The following WNK1 variants were observed in gnomAD, a reference collection of about 807,000 sequenced individuals.
The protein encoded by WNK1 is serine/threonine-protein kinase WNK1.
WNK1 carries 38 observed loss-of-function variants against 222.8 expected under a neutral mutation model. The observed-to-expected ratio is 0.17, with a 90% confidence interval of 0.13 to 0.22. WNK1 has a LOEUF of 0.22. WNK1 is among the 10% of genes least tolerant of loss of function. The pLI, the probability that WNK1 is intolerant of heterozygous loss-of-function variation, is 1.00. For synonymous variants in WNK1, 1,090 were observed against 1,092.9 expected (o/e 1.00, Z 0.05); for missense variants, 2,348 against 2,918.4 (o/e 0.80, Z 4.50).
At chr12:890,845 G>A (rs1393364217) in intron 22 of WNK1, among the ~76,000 whole-genome samples, 1 of 152,136 alleles carries the variant, frequency 6.6e-6, no homozygotes, top group Non-Finnish European at 1.5e-5. Flanking sequence ...GATATATAGG[G>A]ATAGAAGCTT....
intron 8 of WNK1, chr12:865,076 G>C: frequency 6.8e-7 from 1 of 1,481,296 alleles, no homozygotes; most frequent in Non-Finnish European, 9.0e-7. Context: ...TCACAGTACT[G>C]TGTTTTTCAT....
At chr12:896,938 A>G (rs927237987) in intron 24 of WNK1, among the ~76,000 whole-genome samples, 6 of 106,486 alleles carry the variant, frequency 5.6e-5, no homozygotes, top group African/African-American at 1.9e-4. Flanking sequence ...ACACACACAC[A>G]CGATTCCCAA....
intron 23 of WNK1, 126 bp from the exon 24 acceptor site, chr12:895,933 GAGGCGCTATGTA>G: frequency 1.8e-6 from 2 of 1,115,792 alleles, no homozygotes; most frequent in Non-Finnish European, 2.6e-6. Context: ...GTCAAAAGTG[GAGGCGCTATGTA>G]AAGAGACAAT....
intron 4 of WNK1, among the ~76,000 whole-genome samples, chr12:836,750 C>T (rs183188667): frequency 1.3e-5 from 2 of 152,278 alleles, no homozygotes; most frequent in Admixed American, 1.3e-4. Flanking sequence ...TTCAGTAGTC[C>T]TTAAAGTCTG....
rs1248718618 is a variant in WNK1, at chr12:774,975, A to AT, written c.759+20652dup. Among the ~76,000 whole-genome samples, 4 of 152,302 alleles carry AT rather than the reference A, an allele frequency of 2.6e-5. No individual in the cohort carries two copies. In the East Asian group the frequency reaches 5.8e-4, roughly 22 times the overall value. On this transcript the variant is annotated intron_variant, in intron 1 of 27. Coordinates refer to ENST00000315939, the MANE Select transcript of WNK1 (RefSeq NM_018979.4). ...TAATGTCAATAGTATATCACTGTTT[A>AT]TACCATCAAATTGGTTAGTCATCTT...
chr12:868,720 C>CT (rs1233843943), intron 8 of WNK1: 16 of 1,613,946 alleles, frequency 9.9e-6, no homozygotes, highest in Non-Finnish European at 1.4e-5. Flanking sequence ...TTGCAGTGGA[C>CT]TTGAATCAAG....
chr12:906,591 G>A (rs528999828), intron 26 of WNK1: 1 of 985,322 alleles, frequency 1.0e-6, no homozygotes, highest in Non-Finnish European at 1.2e-6. Context: ...ACACCATACA[G>A]TCCTTTCCTC....
At chr12:906,697 A>C in intron 26 of WNK1, 1 of 985,076 alleles carries the variant, frequency 1.0e-6, no homozygotes, top group Non-Finnish European at 1.2e-6. Context: ...CCAGGTGAAA[A>C]ACTTTTCTGA....
intron 4 of WNK1, among the ~76,000 whole-genome samples, chr12:850,032 G>A (rs1265527228): frequency 6.6e-6 from 1 of 152,196 alleles, no homozygotes; most frequent in African/African-American, 2.4e-5. Context: ...AAACATACAT[G>A]TGCATGTGTC....
intron 1 of WNK1, among the ~76,000 whole-genome samples, chr12:804,912 A>ATTTTTATATTT (rs374820355): frequency 0.74 from 108,635 of 146,906 alleles, 40,331 homozygotes; most frequent in East Asian, 0.87. Context: ...TTTATATTTT[A>ATTTTTATATTT]TATATATAAT....
chr12:901,600 T>G (rs1285535133), intron 26 of WNK1: 1 of 1,289,138 alleles, frequency 7.8e-7, no homozygotes, highest in Non-Finnish European at 1.0e-6. Flanking sequence ...CAGGTGACAT[T>G]CAAACCTGGT....
chr12:839,502 A>AT (rs983094741), intron 4 of WNK1, among the ~76,000 whole-genome samples: 4 of 152,198 alleles, frequency 2.6e-5, no homozygotes, highest in African/African-American at 7.2e-5. Context: ...AAGTGGATGG[A>AT]TTAGAGAGAT....
intron 8 of WNK1, chr12:869,234 C>T: frequency 1.5e-6 from 2 of 1,373,576 alleles, no homozygotes; most frequent in Non-Finnish European, 2.1e-6. Context: ...AGTAGAGTTT[C>T]CCCATCTTTG....
At chr12:903,363 A>T (rs1238384113) in intron 26 of WNK1, among the ~76,000 whole-genome samples, 1 of 151,940 alleles carries the variant, frequency 6.6e-6, no homozygotes, top group Non-Finnish European at 1.5e-5. Context: ...TTCTGGTCAG[A>T]CTTTCCTGGA....
Position 894,570 on chromosome 12 carries a change from G to A in WNK1, c.5518G>A (p.Val1840Ile). ...CCATGTATTTGTTTCAGTTTCTCAA[G>A]TCAAAGAAGGCCCTGTCCTAGCAAC... ...GTQPQKGVSQ[V>I]KEGPVLATSS... The change falls in exon 23 of 28, where the codon GTC becomes ATC. Residue 1840 changes from valine (V) to isoleucine (I), a missense_variant. This residue lies in a region of WNK1 where 1,144 missense variants were observed against 1,273.6 expected (regional missense o/e 0.90). Transcript: ENST00000315939. 1 of 1,613,872 alleles carries A rather than the reference G, an allele frequency of 6.2e-7. No homozygotes were observed. The highest frequency in any genetic ancestry group is 8.5e-7 in the Non-Finnish European group (1 of 1,179,850).
chr12:860,440 G>A (rs572004968), intron 6 of WNK1, among the ~76,000 whole-genome samples: 5 of 152,140 alleles, frequency 3.3e-5, no homozygotes, highest in East Asian at 3.8e-4. Flanking sequence ...ATCTCTACTC[G>A]GATTTATCAG....
chr12:798,817 C>T (rs1293913749), intron 1 of WNK1, among the ~76,000 whole-genome samples: 1 of 152,124 alleles, frequency 6.6e-6, no homozygotes. Flanking sequence ...CTCCTTGACA[C>T]TCGTGGTATT....
intron 9 of WNK1, among the ~76,000 whole-genome samples, chr12:871,788 A>G (rs550394761): frequency 6.7e-4 from 102 of 152,162 alleles, no homozygotes; most frequent in African/African-American, 2.4e-3. Context: ...TTTTTAGTAG[A>G]GACGGGGTTT....
intron 2 of WNK1, among the ~76,000 whole-genome samples, chr12:817,009 T>G (rs772329211): frequency 1.3e-5 from 2 of 152,200 alleles, no homozygotes; most frequent in Non-Finnish European, 2.9e-5. Context: ...TTTAAAAGCT[T>G]CTGAAGAACT....
Sources: allele counts gnomAD v4.1 joint callset (sites outside exome capture counted in the v4.1 genomes callset), GRCh38; gene constraint gnomAD v4.1.1; regional missense constraint gnomAD v4.1.1; transcripts MANE v1.5; gene names NCBI Gene and HGNC (gene_info 2026-07-23, HGNC 2026-07-21).